The following PPP4R2 variants were observed in gnomAD, a reference collection of about 807,000 sequenced individuals.
PPP4R2 encodes serine/threonine-protein phosphatase 4 regulatory subunit 2.
Under a neutral mutation model 47.2 loss-of-function variants are expected in PPP4R2, and 13 were observed. The observed-to-expected ratio is 0.28, with a 90% CI of 0.18 to 0.44. The LOEUF (loss-of-function observed/expected upper bound fraction) is 0.44. Among genes scored for constraint, PPP4R2 ranks in the 20% least tolerant of loss-of-function variants. PPP4R2 has a pLI of 1.00. For synonymous variants in PPP4R2, 151 were observed against 163.3 expected (o/e 0.92, Z 0.57); for missense variants, 421 against 491.2 (o/e 0.86, Z 1.35).
intron 2 of PPP4R2, among the ~76,000 whole-genome samples, chr3:73,031,553 G>GAA (rs60949219): frequency 6.6e-6 from 1 of 151,632 alleles, no homozygotes; most frequent in Non-Finnish European, 1.5e-5. Context: ...AAAAAGAAAA[G>GAA]AAAAAAAGAA....
intron 2 of PPP4R2, among the ~76,000 whole-genome samples, chr3:73,023,039 G>C (rs1411539874): frequency 1.3e-5 from 2 of 152,076 alleles, no homozygotes; most frequent in Non-Finnish European, 2.9e-5. Context: ...CAGAAGTTCA[G>C]ATCATTATGA....
At chr3:73,058,914 G>A (rs1046720167) in intron 3 of PPP4R2, 123 bp from the exon 4 acceptor site, 5 of 543,642 alleles carry the variant, frequency 9.2e-6, no homozygotes, top group Non-Finnish European at 1.6e-5. Context: ...CCCTATTATA[G>A]CATTTTCTTT....
intron 2 of PPP4R2, among the ~76,000 whole-genome samples, chr3:73,002,619 CTTTTCTTTTCTTTTCTTTTTTTTTTTTTT>C (rs1162875917): frequency 1.5e-4 from 10 of 68,346 alleles, no homozygotes; most frequent in African/African-American, 6.5e-4. Flanking sequence ...CTTTTCTTTT[CTTTTCTTTTCTTTTCTTTTTTTTTTTTTT>C]TTTTTTTTTT....
At chr3:73,015,471 A>G (rs1375039968) in intron 2 of PPP4R2, among the ~76,000 whole-genome samples, 1 of 141,616 alleles carries the variant, frequency 7.1e-6, no homozygotes, top group South Asian at 2.2e-4. Flanking sequence ...CACCGTGCCC[A>G]GCCTACTGTC....
At chr3:73,053,667 T>C (rs1702666712) in intron 3 of PPP4R2, among the ~76,000 whole-genome samples, 1 of 151,682 alleles carries the variant, frequency 6.6e-6, no homozygotes, top group African/African-American at 2.4e-5. Context: ...CTCAGCACTT[T>C]GGGAGGCCCA....
intron 6 of PPP4R2, 42 bp downstream of exon 6, chr3:73,063,789 C>G (rs368022991): frequency 7.3e-7 from 1 of 1,374,820 alleles, no homozygotes; most frequent in South Asian, 1.2e-5. Flanking sequence ...TTTGCATTGT[C>G]CTGATTTTGA....
At chr3:72,997,623 C>A (rs975510419) in intron 1 of PPP4R2, among the ~76,000 whole-genome samples, 5 of 152,116 alleles carry the variant, frequency 3.3e-5, no homozygotes, top group Non-Finnish European at 2.9e-5. Flanking sequence ...TTACAAACTT[C>A]GAGTAGAGAG....
intron 1 of PPP4R2, chr3:72,997,331 TTC>T (rs1241393458): frequency 2.6e-6 from 1 of 381,086 alleles, no homozygotes; most frequent in African/African-American, 2.1e-5. Flanking sequence ...GCCCCAGTCT[TTC>T]TCCCACCCGT....
intron 2 of PPP4R2, among the ~76,000 whole-genome samples, chr3:73,015,366 AG>A (rs1559550389): frequency 6.6e-6 from 1 of 151,688 alleles, no homozygotes; most frequent in Admixed American, 6.6e-5. Flanking sequence ...TAGTAGAGAC[AG>A]GGTTTTGCCA....
intron 3 of PPP4R2, among the ~76,000 whole-genome samples, chr3:73,057,399 GAGT>G (rs1468535773): frequency 6.6e-6 from 1 of 152,088 alleles, no homozygotes; most frequent in Non-Finnish European, 1.5e-5. Context: ...ACTTCACTCT[GAGT>G]AGATTTTCAA....
chr3:73,018,452 T>TGTTATGTTTG, intron 2 of PPP4R2, among the ~76,000 whole-genome samples: 110 of 96,412 alleles, frequency 1.1e-3, no homozygotes, highest in Admixed American at 2.6e-3. Flanking sequence ...TGTTATGTTA[T>TGTTATGTTTG]TTATGTTATG....
chr3:73,062,060 A>G (rs776156698), intron 5 of PPP4R2: 2 of 1,484,936 alleles, frequency 1.3e-6, no homozygotes, highest in Non-Finnish European at 1.8e-6. Context: ...AGAAGTGCAG[A>G]GTCAAGTCAT....
chr3:73,016,472 A>G (rs1476432323), intron 2 of PPP4R2, among the ~76,000 whole-genome samples: 1 of 152,168 alleles, frequency 6.6e-6, no homozygotes, highest in East Asian at 1.9e-4. Flanking sequence ...AGTAGTGTCA[A>G]GGTTGAGAGA....
intron 3 of PPP4R2, among the ~76,000 whole-genome samples, chr3:73,051,699 C>A (rs1318637665): frequency 5.9e-5 from 9 of 152,202 alleles, no homozygotes; most frequent in Non-Finnish European, 1.3e-4. Context: ...AATCTCAGCT[C>A]ATTGCAACCT....
intron 2 of PPP4R2, among the ~76,000 whole-genome samples, chr3:73,044,998 C>T (rs1203678389): frequency 6.6e-6 from 1 of 152,066 alleles, no homozygotes; most frequent in African/African-American, 2.4e-5. Flanking sequence ...TTTGGTATCA[C>T]ACAGTATCTT....
intron 2 of PPP4R2, among the ~76,000 whole-genome samples, chr3:73,039,082 GA>G (rs1174584984): frequency 6.6e-6 from 1 of 152,128 alleles, no homozygotes; most frequent in Admixed American, 6.6e-5. Context: ...TTCAAAATAG[GA>G]AACATGAGAA....
Position 73,052,246 on chromosome 3 carries a change from C to CTT in PPP4R2, c.287+4900_287+4901dup, listed in dbSNP as rs60786869. 5.7e-3 allele frequency among the ~76,000 whole-genome samples: 802 copies of CTT among 139,764 alleles called. 19 individuals are homozygous for CTT. Among genetic ancestry groups the CTT allele is most frequent in the African/African-American group, 0.02 (760 of 37,574 alleles). 91.7% of individuals were successfully genotyped at this position (139,764 alleles called of 152,430 possible). A position where few individuals can be genotyped will look rare whatever the true frequency, so the allele number is the denominator to read the frequency against. ...ATGGAATGCTTAATTTCTTTCTTTTCTTTTTTTTTTTGGTCATTTTCTTGT... is the reference window on the plus strand; with the variant it reads ...ATGGAATGCTTAATTTCTTTCTTTTCTTTTTTTTTTTTTGGTCATTTTCTTGT... On this transcript the variant is annotated intron_variant, in intron 3 of 8. Coordinates refer to ENST00000356692, the MANE Select transcript of PPP4R2 (RefSeq NM_174907.4).
intron 2 of PPP4R2, among the ~76,000 whole-genome samples, chr3:73,038,957 G>T (rs1339578495): frequency 6.6e-6 from 1 of 152,088 alleles, no homozygotes; most frequent in Non-Finnish European, 1.5e-5. Context: ...ACTTTCAGTG[G>T]CAAATACTTT....
At chr3:73,009,289 CTG>C (rs1701676094) in intron 2 of PPP4R2, among the ~76,000 whole-genome samples, 1 of 152,074 alleles carries the variant, frequency 6.6e-6, no homozygotes, top group African/African-American at 2.4e-5. Context: ...GTTAAAGTGT[CTG>C]ATAATAATAT....
Sources: gnomAD v4.1 joint callset for allele counts (sites outside exome capture counted in the v4.1 genomes callset) on GRCh38, gnomAD v4.1.1 for gene constraint, MANE v1.5 for transcripts, NCBI Gene and HGNC (gene_info 2026-07-23, HGNC 2026-07-21) for gene names.